CNTN3: variants seen among roughly 807,000 people sequenced by gnomAD.
The protein encoded by CNTN3 is contactin-3.
In CNTN3, 60 loss-of-function variants were observed where a neutral mutation model predicts 119.1. The observed-to-expected ratio is 0.50, with a 90% CI of 0.41 to 0.62. CNTN3 has a LOEUF of 0.62. Among genes scored for constraint, CNTN3 ranks in the 20% least tolerant of loss-of-function variants. The pLI is 0.00. For missense variants in CNTN3, 1,101 were observed against 1,242.4 expected (o/e 0.89, Z 1.71); for synonymous variants, 450 against 438.7 (o/e 1.03, Z -0.32).
At chr3:74,477,899 G>C (rs1702688606) in intron 4 of CNTN3, among the ~76,000 whole-genome samples, 1 of 151,922 alleles carries the variant, frequency 6.6e-6, no homozygotes, top group Non-Finnish European at 1.5e-5. Context: ...GCTTCCAGAT[G>C]CAAGAATGGG....
At chr3:74,568,550 T>C (rs576406892) in intron 1 of CNTN3, among the ~76,000 whole-genome samples, 2 of 152,116 alleles carry the variant, frequency 1.3e-5, no homozygotes, top group Non-Finnish European at 2.9e-5. Flanking sequence ...TGCTTCTGGG[T>C]ACCAGTTTTC....
At chr3:74,343,969 A>T (rs959334387) in intron 11 of CNTN3, among the ~76,000 whole-genome samples, 2 of 152,046 alleles carry the variant, frequency 1.3e-5, no homozygotes, top group Non-Finnish European at 2.9e-5. Context: ...TCATTACTTC[A>T]CTCATCCCAG....
intron 20 of CNTN3, among the ~76,000 whole-genome samples, chr3:74,282,380 T>G (rs1282358603): frequency 6.6e-6 from 1 of 152,166 alleles, no homozygotes; most frequent in Non-Finnish European, 1.5e-5. Flanking sequence ...AACTGTAGCA[T>G]GTTTTGAATT....
At chr3:74,564,305 A>C (rs1211463370) in intron 1 of CNTN3, among the ~76,000 whole-genome samples, 1 of 152,088 alleles carries the variant, frequency 6.6e-6, no homozygotes, top group Non-Finnish European at 1.5e-5. Context: ...GTTTGGACCA[A>C]GGATGGGAGT....
chr3:74,592,993 C>T (rs1704731344), intron 1 of CNTN3, among the ~76,000 whole-genome samples: 1 of 151,964 alleles, frequency 6.6e-6, no homozygotes, highest in Middle Eastern at 3.4e-3. Context: ...ATAAACTTAG[C>T]TTTGTAAAAT....
intron 1 of CNTN3, among the ~76,000 whole-genome samples, chr3:74,569,073 T>C (rs542186648): frequency 6.6e-6 from 1 of 152,168 alleles, no homozygotes; most frequent in Non-Finnish European, 1.5e-5. Context: ...TATGGTACCT[T>C]GAACTTGGCA....
At chr3:74,609,052 C>T (rs933262304) in intron 1 of CNTN3, among the ~76,000 whole-genome samples, 13 of 152,124 alleles carry the variant, frequency 8.5e-5, no homozygotes, top group Non-Finnish European at 7.3e-5. Context: ...AATGAGTCAA[C>T]ACGGGAATAA....
At chr3:74,583,365 A>G (rs557585579) in intron 1 of CNTN3, among the ~76,000 whole-genome samples, 2 of 151,356 alleles carry the variant, frequency 1.3e-5, no homozygotes, top group Admixed American at 6.6e-5. Context: ...CCTAAAATGG[A>G]AAAGTTCTTA....
At chr3:74,296,837 T>C (rs1031407232) in intron 18 of CNTN3, among the ~76,000 whole-genome samples, 1 of 152,062 alleles carries the variant, frequency 6.6e-6, no homozygotes, top group African/African-American at 2.4e-5. Flanking sequence ...GTCGGGCAAG[T>C]AGTAAAACTT....
At chr3:74,590,976 G>T (rs1704692992) in intron 1 of CNTN3, among the ~76,000 whole-genome samples, 2 of 151,938 alleles carry the variant, frequency 1.3e-5, no homozygotes, top group Admixed American at 1.3e-4. Context: ...CAGATATGAA[G>T]AAAAATGACT....
At chr3:74,500,938 T>G (rs561398584) in intron 2 of CNTN3, among the ~76,000 whole-genome samples, 1 of 152,054 alleles carries the variant, frequency 6.6e-6, no homozygotes, top group African/African-American at 2.4e-5. Flanking sequence ...TTAGGCGGCA[T>G]GAGCAAGTTC....
chr3:74,428,054 T>C (rs1274522083), intron 4 of CNTN3, among the ~76,000 whole-genome samples: 2 of 152,162 alleles, frequency 1.3e-5, no homozygotes, highest in African/African-American at 4.8e-5. Flanking sequence ...AGTGATATCA[T>C]AGGCATCATG....
intron 4 of CNTN3, among the ~76,000 whole-genome samples, chr3:74,441,533 G>A (rs372979327): frequency 2.2e-4 from 33 of 152,266 alleles, no homozygotes; most frequent in African/African-American, 7.5e-4. Flanking sequence ...CATTAGTTTA[G>A]TAGAACCCCA....
chr3:74,343,546 A>G (rs2106729927), intron 11 of CNTN3, among the ~76,000 whole-genome samples: 1 of 152,342 alleles, frequency 6.6e-6, no homozygotes, highest in South Asian at 2.1e-4. Flanking sequence ...CATCACCTCA[A>G]GGTATGTAGA....
In CNTN3 at chr3:74,486,538, A is replaced by G. The variant is rs1428074970; in HGVS notation, c.276T>C (p.Asn92=). 1.2e-6 allele frequency: 2 copies of G among 1,610,338 alleles called. No individual in the cohort carries two copies. Among genetic ancestry groups the G allele is most frequent in the East Asian group, 4.5e-5 (2 of 44,630 alleles). ...AACATTGGTAAGTTCCTGTATCCCA[A>G]TTTCTGTTGGGATTAATAACCACAA... is the stretch of plus-strand genomic sequence containing the variant. The part of the protein sequence containing the change: ...GNLVVINPNR[N]WDTGTYQCFA... Residue 92 remains asparagine, a synonymous_variant, in exon 4 of 23, where the codon AAT becomes AAC. Coordinates refer to ENST00000263665, the MANE Select transcript of CNTN3 (RefSeq NM_020872.3).
chr3:74,402,266 G>T (rs1705216704), intron 5 of CNTN3, among the ~76,000 whole-genome samples: 1 of 152,086 alleles, frequency 6.6e-6, no homozygotes, highest in Non-Finnish European at 1.5e-5. Context: ...ACTGTTTAAG[G>T]GATGGATATG....
chr3:74,460,696 T>C (rs1463997372), intron 4 of CNTN3, among the ~76,000 whole-genome samples: 4 of 150,380 alleles, frequency 2.7e-5, no homozygotes, highest in African/African-American at 9.7e-5. Context: ...CTTGGGATTT[T>C]ACAGTTATCC....
intron 11 of CNTN3, among the ~76,000 whole-genome samples, chr3:74,358,575 T>A (rs1049295106): frequency 4.2e-5 from 6 of 143,610 alleles, no homozygotes; most frequent in African/African-American, 1.7e-4. Context: ...GGGAAGGAAG[T>A]GTATTCTTTT....
At position 74,302,729 on chromosome 3, in the gene CNTN3, C is replaced by T. The variant is rs779508794; in HGVS notation, c.1747G>A (p.Val583Met). 3 of 1,613,070 alleles carry T rather than the reference C, an allele frequency of 1.9e-6. No individual in the cohort carries two copies. Among genetic ancestry groups the T allele is most frequent in the Non-Finnish European group, 2.5e-6 (3 of 1,179,328 alleles). The change falls in exon 14 of 23, where the codon GTG becomes ATG. Residue 583 changes from valine (V) to methionine (M), a missense_variant. Transcript: ENST00000263665. ...TCAGCAGCAGATGAAACACTGTCCACCCCCGTTTGCACCATACAAACATAT... is the reference window on the plus strand; with the variant it reads ...TCAGCAGCAGATGAAACACTGTCCATCCCCGTTTGCACCATACAAACATAT... ...GKYVCMVQTG[V>M]DSVSSAADLI...
Sources: allele counts gnomAD v4.1 joint callset (sites outside exome capture counted in the v4.1 genomes callset), GRCh38; gene constraint gnomAD v4.1.1; transcripts MANE v1.5; gene names NCBI Gene and HGNC (gene_info 2026-07-23, HGNC 2026-07-21).